The following PRRG1 variants were observed in gnomAD, a reference collection of about 807,000 sequenced individuals.
The protein encoded by PRRG1 is transmembrane gamma-carboxyglutamic acid protein 1.
Under a neutral mutation model 11.8 loss-of-function variants are expected in PRRG1, and 5 were observed. That is an observed-to-expected ratio of 0.42 (90% CI 0.22 to 0.89). PRRG1 has a LOEUF of 0.89. PRRG1 is among the 40% of genes least tolerant of loss of function. The probability of loss-of-function intolerance (pLI) is 0.28; values close to 1 mark genes in which losing one functional copy is unlikely to be tolerated. For synonymous variants in PRRG1, 66 were observed against 60.4 expected (o/e 1.09, Z -0.43); for missense variants, 155 against 166.1 (o/e 0.93, Z 0.37).
intron 1 of PRRG1, among the ~76,000 whole-genome samples, chrX:37,382,902 T>C (rs1347927174): frequency 8.9e-6 from 1 of 111,877 alleles, no homozygotes; most frequent in Admixed American, 9.5e-5. Flanking sequence ...TTGTGGACTT[T>C]CCAGGACCCT....
At chrX:37,422,225 C>G (rs930640309) in intron 2 of PRRG1, among the ~76,000 whole-genome samples, 1 of 111,736 alleles carries the variant, frequency 8.9e-6, no homozygotes, top group African/African-American at 3.2e-5. Context: ...CTTAAAAGTT[C>G]AAAATACATT....
At chrX:37,353,098 A>C (rs2146915229) in intron 1 of PRRG1, among the ~76,000 whole-genome samples, 1 of 112,109 alleles carries the variant, frequency 8.9e-6, no homozygotes, top group East Asian at 2.8e-4. Context: ...AGGCATTGTT[A>C]TCATAGGGGA....
intron 3 of PRRG1, among the ~76,000 whole-genome samples, chrX:37,427,324 A>G (rs1556388734): frequency 8.9e-6 from 1 of 111,971 alleles, no homozygotes; most frequent in African/African-American, 3.2e-5. Context: ...TACTTATTTA[A>G]TGTATACGTT....
intron 3 of PRRG1, chrX:37,440,961 G>A: frequency 8.2e-6 from 5 of 610,495 alleles, no homozygotes; most frequent in Non-Finnish European, 1.2e-5. Context: ...TGCAGACAAG[G>A]TCCCACCATG....
At chrX:37,434,825 G>A (rs1556391544) in intron 3 of PRRG1, among the ~76,000 whole-genome samples, 1 of 111,872 alleles carries the variant, frequency 8.9e-6, no homozygotes, top group Non-Finnish European at 1.9e-5. Flanking sequence ...ATGAGACTAT[G>A]AGGGTTCTCT....
chrX:37,401,431 A>G (rs1357606168), intron 1 of PRRG1, among the ~76,000 whole-genome samples: 2 of 111,546 alleles, frequency 1.8e-5, no homozygotes, highest in Non-Finnish European at 3.8e-5. Flanking sequence ...ACAAAATTCA[A>G]CAACCCTTCA....
At chrX:37,409,360 A>C (rs1932292667) in intron 2 of PRRG1, among the ~76,000 whole-genome samples, 1 of 111,920 alleles carries the variant, frequency 8.9e-6, no homozygotes, top group Non-Finnish European at 1.9e-5. Context: ...GACTGCAGAA[A>C]ATTTGCATAG....
chrX:37,417,195 T>C (rs1233994360), intron 2 of PRRG1, among the ~76,000 whole-genome samples: 1 of 111,357 alleles, frequency 9.0e-6, no homozygotes, highest in African/African-American at 3.3e-5. Flanking sequence ...TTTTAGGTAA[T>C]GATCATAACT....
chrX:37,438,689 G>A (rs1421984885), intron 3 of PRRG1, among the ~76,000 whole-genome samples: 4 of 110,980 alleles, frequency 3.6e-5, no homozygotes, highest in African/African-American at 1.3e-4. Context: ...CACCCACTGC[G>A]GCCTCCCAAA....
intron 1 of PRRG1, among the ~76,000 whole-genome samples, chrX:37,375,936 T>TAAA (rs1930924226): frequency 9.0e-6 from 1 of 111,548 alleles, no homozygotes; most frequent in Non-Finnish European, 1.9e-5. Context: ...TCTGGAGTTT[T>TAAA]CTCCTGGGCT....
intron 1 of PRRG1, among the ~76,000 whole-genome samples, chrX:37,364,769 T>C (rs1930517187): frequency 8.9e-6 from 1 of 111,980 alleles, no homozygotes; most frequent in Non-Finnish European, 1.9e-5. Flanking sequence ...CTTCAACTGA[T>C]GGTATTAATG....
At chrX:37,358,060 T>A (rs1214649191) in intron 1 of PRRG1, among the ~76,000 whole-genome samples, 2 of 110,465 alleles carry the variant, frequency 1.8e-5, no homozygotes, top group Non-Finnish European at 3.8e-5. Context: ...TCTTCTTTGG[T>A]GAGGTGTCCA....
chrX:37,401,100 T>C (rs1478023050), intron 1 of PRRG1, among the ~76,000 whole-genome samples: 3 of 110,224 alleles, frequency 2.7e-5, no homozygotes, highest in Non-Finnish European at 3.8e-5. Flanking sequence ...TTCCAATCAA[T>C]AGAAAAAGAG....
chrX:37,444,281 G>A (rs1436210408), intron 3 of PRRG1, among the ~76,000 whole-genome samples: 2 of 111,594 alleles, frequency 1.8e-5, no homozygotes, highest in Non-Finnish European at 3.8e-5. Context: ...AGAACAAAGC[G>A]AGCATCTTTT....
At chrX:37,431,747 G>T (rs1187290452) in intron 3 of PRRG1, among the ~76,000 whole-genome samples, 2 of 111,439 alleles carry the variant, frequency 1.8e-5, no homozygotes, top group Admixed American at 9.6e-5. Context: ...TTGATTCTCA[G>T]TGTGAACAAT....
At chrX:37,360,398 T>A (rs1207066904) in intron 1 of PRRG1, among the ~76,000 whole-genome samples, 3 of 112,526 alleles carry the variant, frequency 2.7e-5, no homozygotes, top group African/African-American at 9.7e-5. Flanking sequence ...GGGATTTTTT[T>A]CTTCAATAAT....
Position 37,370,217 on chromosome X carries a change from A to G in PRRG1, c.-42+20822A>G, listed in dbSNP as rs369105109. On this transcript the variant is annotated intron_variant, in intron 1 of 3. Coordinates refer to ENST00000378628, the MANE Select transcript of PRRG1 (RefSeq NM_001142395.2). ...GTATTCCATTGTGAGTATATACCACATTTTCTTTATCCATGTATCTGTTGA... is the reference window on the plus strand; with the variant it reads ...GTATTCCATTGTGAGTATATACCACGTTTTCTTTATCCATGTATCTGTTGA... 1.3e-4 allele frequency among the ~76,000 whole-genome samples: 14 copies of G among 111,787 alleles called. No individual in the cohort carries two copies. In the East Asian group the frequency reaches 3.1e-3, roughly 25 times the overall value.
At chrX:37,421,213 G>A (rs377578649) in intron 2 of PRRG1, among the ~76,000 whole-genome samples, 9 of 111,820 alleles carry the variant, frequency 8.0e-5, no homozygotes, top group African/African-American at 2.9e-4. Flanking sequence ...TACTTATTTT[G>A]TGTCTGTGTA....
At chrX:37,370,479 G>C (rs909939325) in intron 1 of PRRG1, among the ~76,000 whole-genome samples, 1 of 111,754 alleles carries the variant, frequency 8.9e-6, no homozygotes. Context: ...GACTAGGCAG[G>C]AGCTGTGCCC....
Sources: gnomAD v4.1 joint callset for allele counts (sites outside exome capture counted in the v4.1 genomes callset) on GRCh38, gnomAD v4.1.1 for gene constraint, MANE v1.5 for transcripts, NCBI Gene and HGNC (gene_info 2026-07-23, HGNC 2026-07-21) for gene names.